Variants in GANC observed in about 807,000 individuals in gnomAD.
The protein encoded by GANC is glucosidase alpha, neutral C.
In GANC, 117 loss-of-function variants were observed where a neutral mutation model predicts 124.2. The observed-to-expected ratio is 0.94, with a 90% CI of 0.81 to 1.10. The LOEUF (loss-of-function observed/expected upper bound fraction) is 1.10, where lower values mean the gene tolerates loss of function less well. GANC is among the 50% of genes least tolerant of loss of function. The pLI, the probability that GANC is intolerant of heterozygous loss-of-function variation, is 0.00. For missense variants in GANC, 1,140 were observed against 1,095.0 expected, an observed-to-expected ratio of 1.04 and a Z score of -0.58; for synonymous variants, 377 against 376.8, an observed-to-expected ratio of 1.00 and a Z score of -0.01.
At chr15:42,295,326 G>A (rs2051880140) in intron 5 of GANC, among the ~76,000 whole-genome samples, 1 of 151,926 alleles carries the variant, frequency 6.6e-6, no homozygotes, top group Non-Finnish European at 1.5e-5. Context: ...TGTACTGGTA[G>A]CTATAGTTCC....
chr15:42,350,252 A>T (rs1197998700), intron 22 of GANC, among the ~76,000 whole-genome samples: 1 of 149,916 alleles, frequency 6.7e-6, no homozygotes, highest in Non-Finnish European at 1.5e-5. Context: ...CTGGTCTCGA[A>T]CTCCCGACCT....
At chr15:42,330,058 T>C (rs1394242575) in intron 14 of GANC, among the ~76,000 whole-genome samples, 1 of 152,250 alleles carries the variant, frequency 6.6e-6, no homozygotes, top group Non-Finnish European at 1.5e-5. Flanking sequence ...ACTGTATTCC[T>C]GTGGCCCTCT....
At chr15:42,320,475 A>G (rs3101895) in intron 10 of GANC, among the ~76,000 whole-genome samples, 138,409 of 152,136 alleles carry the variant, frequency 0.91, 64,320 homozygotes, top group Non-Finnish European at 1. Context: ...TTGAGACACA[A>G]TCTCACTCTG....
chr15:42,314,780 T>C (rs1306271558), intron 10 of GANC: 1 of 152,356 alleles, frequency 6.6e-6, no homozygotes, highest in African/African-American at 2.4e-5. Flanking sequence ...GACAGTGATA[T>C]TAAAATCACT....
chr15:42,290,536 A>T (rs1056802732), intron 4 of GANC, among the ~76,000 whole-genome samples: 1 of 152,196 alleles, frequency 6.6e-6, no homozygotes, highest in African/African-American at 2.4e-5. Flanking sequence ...GGCTGAGTGC[A>T]GTGGTTCACA....
chr15:42,329,438 G>A lies in GANC; in HGVS notation c.1633G>A (p.Gly545Ser), dbSNP rs372565319. The change falls in exon 14 of 24, where the codon GGT (glycine) becomes AGT (serine). Residue 545 changes from glycine (G) to serine (S), a missense_variant. Transcript: ENST00000318010. ...GCACAGAGAGCTCCACAACATCTAC[G>A]GTTTTTATCATGTAAGACATCCAAA... is the stretch of plus-strand genomic sequence containing the variant. The part of the protein sequence containing the change: ...WEHRELHNIY[G>S]FYHQMATAEG... The A allele has an allele frequency of 1.7e-4, 268 of 1,608,966 alleles. 3 individuals carry two copies. In the South Asian group the frequency reaches 2.4e-3, roughly 14 times the overall value.
At chr15:42,332,851 TAAAA>T (rs5812220) in intron 15 of GANC, among the ~76,000 whole-genome samples, 13 of 120,500 alleles carry the variant, frequency 1.1e-4, no homozygotes, top group Non-Finnish European at 1.0e-4. Context: ...CTGTCTCTAC[TAAAA>T]AAAAAAAAAA....
At chr15:42,334,478 G>T (rs954093623) in intron 15 of GANC, among the ~76,000 whole-genome samples, 1 of 151,958 alleles carries the variant, frequency 6.6e-6, no homozygotes, top group Non-Finnish European at 1.5e-5. Flanking sequence ...AAATCTTTAT[G>T]GCTTTGAAAC....
At chr15:42,337,297 T>G (rs984453133) in intron 15 of GANC, among the ~76,000 whole-genome samples, 2 of 152,220 alleles carry the variant, frequency 1.3e-5, no homozygotes, top group African/African-American at 4.8e-5. Flanking sequence ...TGGAATACTA[T>G]GCAGCCATAA....
chr15:42,273,206 C>G lies in GANC; in HGVS notation c.-1276C>G. ...CATGGACCCCTTGGGCCGCCGTAGC[C>G]CCACCCCTTGCTCCTCTAGGTTCAG... is the stretch of plus-strand genomic sequence containing the variant. On this transcript the variant is annotated 5_prime_UTR_variant, in exon 1 of 24. Transcript: ENST00000318010. The G allele has an allele frequency of 6.2e-7, 1 of 1,608,420 alleles. No homozygotes were observed. The highest frequency in any genetic ancestry group is 8.5e-7 in the Non-Finnish European group (1 of 1,175,688).
chr15:42,352,484 AT>A lies in GANC; in HGVS notation c.*348del. The A allele has an allele frequency of 9.5e-7, 1 of 1,049,970 alleles. No homozygotes were observed. Among genetic ancestry groups the A allele is most frequent in the Non-Finnish European group, 1.2e-6 (1 of 867,670 alleles). The allele number at this position is 1,049,970 out of a possible 1,614,324, so 65.0% of individuals were successfully genotyped here. On this transcript the variant is annotated 3_prime_UTR_variant, in exon 24 of 24. Coordinates refer to ENST00000318010, the MANE Select transcript of GANC (RefSeq NM_198141.3). ...TGGGCCAAGCCTACCTGGGCAGCCC[AT>A]TTGCCAGGGCTTGCCTCAGGCCATG...
At position 42,327,326 on chromosome 15, in the gene GANC, T is replaced by G. The variant is rs1271730120; in HGVS notation, c.1421-37T>G. ...CAATGCATCCTACTGTGAGGACCAC[T>G]GTTCTTGACAGGCTATCTACTGTTC... On this transcript the variant is annotated intron_variant, in intron 12 of 23. Coordinates refer to ENST00000318010, the MANE Select transcript of GANC (RefSeq NM_198141.3). The G allele has an allele frequency of 2.0e-6, 3 of 1,495,610 alleles. No individual in the cohort carries two copies. The African/African-American group carries it at 4.2e-5, about 21-fold the overall frequency. 92.6% of individuals were successfully genotyped at this position (1,495,610 alleles called of 1,614,324 possible).
chr15:42,297,775 A>G (rs185591519), intron 6 of GANC, 119 bp downstream of exon 6: 25 of 600,508 alleles, frequency 4.2e-5, no homozygotes, highest in Admixed American at 2.4e-4. Flanking sequence ...TCGACTGCAT[A>G]TAAATAGGAC....
intron 22 of GANC, among the ~76,000 whole-genome samples, chr15:42,350,864 T>TTTATTA (rs3036683): frequency 4.7e-4 from 65 of 137,426 alleles, no homozygotes; most frequent in African/African-American, 1.5e-3. Context: ...CGAGTCGTCT[T>TTTATTA]TTATTATTAT....
In GANC at chr15:42,353,045, T is replaced by C. The variant is rs996797358; in HGVS notation, c.*906T>C. On this transcript the variant is annotated 3_prime_UTR_variant, in exon 24 of 24. Coordinates refer to ENST00000318010, the MANE Select transcript of GANC (RefSeq NM_198141.3). ...GCAAAAAAAACCATGATGAACAAAA[T>C]ATTAAAATTTAAAATAAAGACAGGA... 1.1e-6 allele frequency: 1 copy of C among 881,998 alleles called. No individual in the cohort carries two copies. The highest frequency in any genetic ancestry group is 1.4e-6 in the Non-Finnish European group (1 of 735,582). The allele number at this position is 881,998 out of a possible 1,614,324, so 54.6% of individuals were successfully genotyped here.
chr15:42,334,640 T>C (rs1409664134), intron 15 of GANC, among the ~76,000 whole-genome samples: 1 of 152,050 alleles, frequency 6.6e-6, no homozygotes, highest in South Asian at 2.1e-4. Context: ...GAAAAAAATA[T>C]TTGAAATATA....
chr15:42,278,764 T>C (rs1178774393), intron 3 of GANC, among the ~76,000 whole-genome samples, 174 bp downstream of exon 3: 2 of 152,154 alleles, frequency 1.3e-5, no homozygotes, highest in Non-Finnish European at 2.9e-5. Context: ...GAGGCAGAAG[T>C]GGGCAGATTG....
chr15:42,278,614 G>A, intron 3 of GANC, 24 bp downstream of exon 3: 3 of 1,511,708 alleles, frequency 2.0e-6, no homozygotes. Context: ...ATTTTCTACA[G>A]AGAATAATTT....
chr15:42,327,309 C>T (rs1001046213), intron 12 of GANC, 54 bp from the exon 13 acceptor site: 32 of 1,340,022 alleles, frequency 2.4e-5, no homozygotes, highest in Non-Finnish European at 3.0e-5. Flanking sequence ...TACAATGCAT[C>T]CTACTGTGAG....
Sources: allele counts gnomAD v4.1 joint callset (sites outside exome capture counted in the v4.1 genomes callset), GRCh38; gene constraint gnomAD v4.1.1; transcripts MANE v1.5; gene names NCBI Gene and HGNC (gene_info 2026-07-23, HGNC 2026-07-21).